Variants in TNFRSF21 observed in about 807,000 individuals in gnomAD.
TNFRSF21 encodes the protein tumor necrosis factor receptor superfamily member 21.
In TNFRSF21, 19 loss-of-function variants were observed where a neutral mutation model predicts 45.6. The observed-to-expected ratio is 0.42, with a 90% CI of 0.29 to 0.61. The LOEUF (loss-of-function observed/expected upper bound fraction) is 0.61, where lower values mean the gene tolerates loss of function less well. Among genes scored for constraint, TNFRSF21 ranks in the 20% least tolerant of loss-of-function variants. TNFRSF21 has a pLI of 0.23. For synonymous variants in TNFRSF21, 314 were observed against 335.5 expected (o/e 0.94, Z 0.70); for missense variants, 737 against 851.5 (o/e 0.87, Z 1.67).
At chr6:47,249,828 G>A (rs1764875855) in intron 4 of TNFRSF21, among the ~76,000 whole-genome samples, 1 of 151,786 alleles carries the variant, frequency 6.6e-6, no homozygotes, top group Non-Finnish European at 1.5e-5. Flanking sequence ...TAATCCCTTG[G>A]GTATCCCTTA....
At chr6:47,245,313 A>C (rs1165031989) in intron 4 of TNFRSF21, among the ~76,000 whole-genome samples, 1 of 152,144 alleles carries the variant, frequency 6.6e-6, no homozygotes, top group African/African-American at 2.4e-5. Context: ...GTTTTGTTTC[A>C]TTTAGTATCT....
intron 3 of TNFRSF21, among the ~76,000 whole-genome samples, chr6:47,260,231 T>C (rs1249203917): frequency 6.6e-6 from 1 of 151,828 alleles, no homozygotes; most frequent in Non-Finnish European, 1.5e-5. Context: ...TCTTGGAACC[T>C]CACACGTACA....
At chr6:47,275,215 T>C (rs1762480251) in intron 3 of TNFRSF21, among the ~76,000 whole-genome samples, 1 of 152,186 alleles carries the variant, frequency 6.6e-6, no homozygotes, top group Non-Finnish European at 1.5e-5. Flanking sequence ...CATATGTTTA[T>C]TGCAGCACTA....
At chr6:47,283,331 C>T (rs368529993) in intron 3 of TNFRSF21, among the ~76,000 whole-genome samples, 3 of 152,200 alleles carry the variant, frequency 2.0e-5, no homozygotes, top group African/African-American at 7.2e-5. Flanking sequence ...AGATGATGAC[C>T]GACATATTAT....
chr6:47,238,771 A>G (rs1007074426), intron 4 of TNFRSF21, among the ~76,000 whole-genome samples: 2 of 152,196 alleles, frequency 1.3e-5, no homozygotes, highest in African/African-American at 4.8e-5. Flanking sequence ...AGGTAAACAG[A>G]CTACTGCTTT....
chr6:47,307,426 T>C (rs1393302077), intron 1 of TNFRSF21, among the ~76,000 whole-genome samples: 1 of 152,210 alleles, frequency 6.6e-6, no homozygotes. Context: ...TCACTCAAGC[T>C]GGAGTGCCGT....
At chr6:47,252,364 G>GTTCT (rs2113849562) in intron 4 of TNFRSF21, among the ~76,000 whole-genome samples, 1 of 152,232 alleles carries the variant, frequency 6.6e-6, no homozygotes, top group African/African-American at 2.4e-5. Context: ...TTGGGAATAT[G>GTTCT]TTCTGAAACC....
At chr6:47,275,960 CAGT>C (rs1334939151) in intron 3 of TNFRSF21, among the ~76,000 whole-genome samples, 2 of 152,178 alleles carry the variant, frequency 1.3e-5, no homozygotes, top group Admixed American at 1.3e-4. Flanking sequence ...ACCAGGAAGA[CAGT>C]AGGCACACTC....
In TNFRSF21 at chr6:47,233,037, G is replaced by A. The variant is rs1764611331; in HGVS notation, c.1739-43C>T. On this transcript the variant is annotated intron_variant, in intron 5 of 5. Transcript: ENST00000296861. ...AAGCAAAGACAGCTGTAAGGTGACTGTACTGGCAAGGCCTGGAGGAAGGAG... is the reference window on the plus strand; with the variant it reads ...AAGCAAAGACAGCTGTAAGGTGACTATACTGGCAAGGCCTGGAGGAAGGAG... 6.3e-6 allele frequency: 10 copies of A among 1,587,682 alleles called. No homozygotes were observed. In the South Asian group the frequency reaches 8.9e-5, roughly 14 times the overall value.
rs70999606 is a variant in TNFRSF21, at chr6:47,232,658, CAA to C, written c.*105_*106del. ...ACACACACACACACACACACACACA[CAA>C]ACACACACACACACCCCAAACAACA... On this transcript the variant is annotated 3_prime_UTR_variant, in exon 6 of 6. Transcript: ENST00000296861. 1.7e-4 allele frequency: 126 copies of C among 755,736 alleles called. No individual in the cohort carries two copies. Among genetic ancestry groups the C allele is most frequent in the South Asian group, 3.0e-4 (15 of 50,146 alleles). 46.8% of individuals were successfully genotyped at this position (755,736 alleles called of 1,614,324 possible). A position where few individuals can be genotyped will look rare whatever the true frequency, so the allele number is the denominator to read the frequency against.
At chr6:47,261,097 C>G (rs903835189) in intron 3 of TNFRSF21, among the ~76,000 whole-genome samples, 2 of 152,150 alleles carry the variant, frequency 1.3e-5, no homozygotes, top group Non-Finnish European at 2.9e-5. Context: ...TCTAACACCC[C>G]CCCAAACCTC....
chr6:47,257,217 T>TA (rs1765001236), intron 3 of TNFRSF21, among the ~76,000 whole-genome samples: 1 of 147,374 alleles, frequency 6.8e-6, no homozygotes, highest in South Asian at 2.1e-4. Flanking sequence ...AGCCACAAAA[T>TA]AAAGAAAAAA....
At chr6:47,275,782 C>T (rs1162063332) in intron 3 of TNFRSF21, among the ~76,000 whole-genome samples, 9 of 152,156 alleles carry the variant, frequency 5.9e-5, no homozygotes, top group Admixed American at 2.0e-4. Context: ...TGCCCTCACA[C>T]GTTCAAAAGC....
At chr6:47,253,617 C>G (rs560278108) in intron 3 of TNFRSF21, 96 bp from the exon 4 acceptor site, 2 of 1,419,090 alleles carry the variant, frequency 1.4e-6, no homozygotes, top group Non-Finnish European at 1.9e-6. Context: ...AGAAGAGGCA[C>G]GCTTTCCTAT....
At chr6:47,301,782 C>G (rs1762867142) in intron 1 of TNFRSF21, among the ~76,000 whole-genome samples, 1 of 152,212 alleles carries the variant, frequency 6.6e-6, no homozygotes, top group Non-Finnish European at 1.5e-5. Flanking sequence ...GATGCTAAAT[C>G]CATGCTTCTT....
At position 47,288,534 on chromosome 6, in the gene TNFRSF21, GTAAA is replaced by G. The variant is rs546326342; in HGVS notation, c.97-1943_97-1940del. 3.6e-3 allele frequency among the ~76,000 whole-genome samples: 543 copies of G among 150,174 alleles called. 3 individuals carry two copies. Among genetic ancestry groups the G allele is most frequent in the African/African-American group, 0.012 (503 of 40,796 alleles). On this transcript the variant is annotated intron_variant, in intron 1 of 5. Transcript: ENST00000296861. ...TGTATACCCTTTTTAGTGTCTCTAA[GTAAA>G]TAAATAAATAAAAATAAAGCGGTAG...
At chr6:47,291,401 A>C (rs1254968774) in intron 1 of TNFRSF21, among the ~76,000 whole-genome samples, 1 of 151,896 alleles carries the variant, frequency 6.6e-6, no homozygotes, top group Non-Finnish European at 1.5e-5. Flanking sequence ...GGGAGAGTAG[A>C]CAAGAAAACC....
intron 1 of TNFRSF21, among the ~76,000 whole-genome samples, chr6:47,294,230 G>A (rs751299575): frequency 2.5e-4 from 38 of 152,096 alleles, no homozygotes; most frequent in African/African-American, 6.3e-4. Flanking sequence ...TGCAACCTCC[G>A]CCTCCTGGGT....
chr6:47,239,453 G>T (rs1176380903), intron 4 of TNFRSF21, among the ~76,000 whole-genome samples: 1 of 152,116 alleles, frequency 6.6e-6, no homozygotes, highest in Non-Finnish European at 1.5e-5. Flanking sequence ...GCCATGGATG[G>T]TAAAGGAAAA....
Sources: gnomAD v4.1 joint callset for allele counts (sites outside exome capture counted in the v4.1 genomes callset) on GRCh38, gnomAD v4.1.1 for gene constraint, MANE v1.5 for transcripts, NCBI Gene and HGNC (gene_info 2026-07-23, HGNC 2026-07-21) for gene names.